ADAM12: variants seen among roughly 807,000 people sequenced by gnomAD.
The protein encoded by ADAM12 is disintegrin and metalloproteinase domain-containing protein 12.
Under a neutral mutation model 106.4 loss-of-function variants are expected in ADAM12, and 70 were observed. The observed-to-expected ratio is 0.66, with a 90% CI of 0.54 to 0.80. The LOEUF (loss-of-function observed/expected upper bound fraction) is 0.80. Among genes scored for constraint, ADAM12 ranks in the 30% least tolerant of loss-of-function variants. ADAM12 has a pLI of 0.00. For synonymous variants in ADAM12, 420 were observed against 433.5 expected (o/e 0.97, Z 0.39); for missense variants, 1,010 against 1,171.9 (o/e 0.86, Z 2.02).
chr10:126,334,349 T>C (rs1207903636), intron 1 of ADAM12, among the ~76,000 whole-genome samples: 1 of 152,170 alleles, frequency 6.6e-6, no homozygotes, highest in African/African-American at 2.4e-5. Context: ...GAAATGTGGA[T>C]AGATTATACT....
At chr10:126,203,063 T>A (rs1016829326) in intron 3 of ADAM12, among the ~76,000 whole-genome samples, 4 of 152,190 alleles carry the variant, frequency 2.6e-5, no homozygotes, top group Non-Finnish European at 4.4e-5. Context: ...GGTGCCCAAC[T>A]AGTTGTCATC....
chr10:126,074,028 G>A (rs1176551056), intron 11 of ADAM12, among the ~76,000 whole-genome samples: 1 of 152,180 alleles, frequency 6.6e-6, no homozygotes, highest in African/African-American at 2.4e-5. Flanking sequence ...AGGTACAGAT[G>A]GAAACTTCTT....
At position 126,335,445 on chromosome 10, in the gene ADAM12, G is replaced by C. The variant is rs140241301; in HGVS notation, c.89-4936C>G. On this transcript the variant is annotated intron_variant, in intron 1 of 22. Transcript: ENST00000448723. The stretch of plus-strand genomic sequence containing the variant: ...CATTTGCCAAGAAGCCAGGGACAAG[G>C]CTTCGGAAACTGATGAAGCAATTTT... 4.0e-3 allele frequency among the ~76,000 whole-genome samples: 608 copies of C among 152,274 alleles called. 8 individuals are homozygous for C. Among genetic ancestry groups the C allele is most frequent in the African/African-American group, 0.014 (585 of 41,554 alleles).
chr10:126,288,691 A>C (rs973175553), intron 2 of ADAM12, among the ~76,000 whole-genome samples: 1 of 149,770 alleles, frequency 6.7e-6, no homozygotes, highest in Non-Finnish European at 1.5e-5. Context: ...TGACGTGGTG[A>C]TCCAGGGACA....
intron 2 of ADAM12, among the ~76,000 whole-genome samples, chr10:126,284,169 C>T (rs1337736068): frequency 6.6e-6 from 1 of 151,822 alleles, no homozygotes; most frequent in African/African-American, 2.4e-5. Context: ...CCCGTCTCTA[C>T]TAAAAATACA....
rs1049931514 is a variant in ADAM12 at position 126,014,615 on chromosome 10, A to C, written c.*2664T>G. On this transcript the variant is annotated 3_prime_UTR_variant, in exon 23 of 23. Transcript: ENST00000448723. ...TCCCTCGGTTGCTACACATCTGATT[A>C]CATGTGTCAGGAAAACAAACTTAAA... is the stretch of plus-strand genomic sequence containing the variant. 53 of 152,246 alleles carry C rather than the reference A, an allele frequency of 3.5e-4. No individual in the cohort carries two copies. The highest frequency in any genetic ancestry group is 1.3e-3 in the African/African-American group (52 of 41,532). 9.4% of individuals were successfully genotyped at this position (152,246 alleles called of 1,614,324 possible). A position where few individuals can be genotyped will look rare whatever the true frequency, so the allele number is the denominator to read the frequency against.
chr10:126,274,822 C>G (rs1286972256), intron 3 of ADAM12, among the ~76,000 whole-genome samples: 1 of 152,206 alleles, frequency 6.6e-6, no homozygotes, highest in Non-Finnish European at 1.5e-5. Context: ...CTAATGCCAT[C>G]TCCACACTGG....
intron 2 of ADAM12, among the ~76,000 whole-genome samples, chr10:126,288,380 A>G (rs1245316400): frequency 6.6e-6 from 1 of 152,216 alleles, no homozygotes; most frequent in Non-Finnish European, 1.5e-5. Flanking sequence ...AGCTCTCCGG[A>G]GAGGATTCCA....
rs1954427507 is a variant in ADAM12 at position 126,049,755 on chromosome 10, G to C, written c.1610-86C>G. On this transcript the variant is annotated intron_variant, in intron 14 of 22. Transcript: ENST00000448723. The surrounding 1 kb of genome is among the most constrained non-coding windows in gnomAD (Gnocchi z 4.4). ...TGTAGGCCTCTCAAATGGTTACGGGGAGACGTGCTCAAAGCAATCACACCC... is the reference window on the plus strand; with the variant it reads ...TGTAGGCCTCTCAAATGGTTACGGGCAGACGTGCTCAAAGCAATCACACCC... 5 of 1,207,828 alleles carry C rather than the reference G, an allele frequency of 4.1e-6. No homozygotes were observed. Among genetic ancestry groups the C allele is most frequent in the South Asian group, 2.7e-5 (2 of 73,332 alleles). The allele number at this position is 1,207,828 out of a possible 1,614,324, so 74.8% of individuals were successfully genotyped here. A position where few individuals can be genotyped will look rare whatever the true frequency, so the allele number is the denominator to read the frequency against.
chr10:126,266,757 G>T (rs527534052), intron 3 of ADAM12, among the ~76,000 whole-genome samples: 4 of 152,158 alleles, frequency 2.6e-5, no homozygotes, highest in African/African-American at 9.7e-5. Context: ...ATGGCAGAGT[G>T]GGAGCAAGCA....
chr10:126,178,397 T>C lies in ADAM12; in HGVS notation c.261-23092A>G, dbSNP rs924593636. On this transcript the variant is annotated intron_variant, in intron 3 of 22. Transcript: ENST00000448723. ...CCTTTTTGGCTTACCTTAGTCCTCATTGGAGGACATCTTTTTTTTTTTTTT... is the reference window on the plus strand; with the variant it reads ...CCTTTTTGGCTTACCTTAGTCCTCACTGGAGGACATCTTTTTTTTTTTTTT... 5.5e-5 allele frequency among the ~76,000 whole-genome samples: 8 copies of C among 146,248 alleles called. 1 individual carries two copies. The highest frequency in any genetic ancestry group is 1.4e-4 in the Admixed American group (2 of 14,452).
intron 3 of ADAM12, among the ~76,000 whole-genome samples, chr10:126,191,151 GCCACCACGC>G (rs1396740645): frequency 1.3e-5 from 2 of 151,792 alleles, no homozygotes; most frequent in African/African-American, 4.8e-5. Context: ...ACAGGCGCCT[GCCACCACGC>G]CCGGCTAATT....
In ADAM12 at chr10:126,159,307, C is replaced by CAAAAAAAAAA. The variant is rs3069557; in HGVS notation, c.261-4012_261-4003dup. ...CCTGGGCAACAGAGCGAGACTCCAT[C>CAAAAAAAAAA]AAAAAAAAAAAAAAAAAAAAAAAAG... On this transcript the variant is annotated intron_variant, in intron 3 of 22. Transcript: ENST00000448723. Among the ~76,000 whole-genome samples, 91 of 80,568 alleles carry CAAAAAAAAAA rather than the reference C, an allele frequency of 1.1e-3. 2 individuals are homozygous for CAAAAAAAAAA. The highest frequency in any genetic ancestry group is 1.4e-3 in the African/African-American group (24 of 17,716). 52.9% of individuals were successfully genotyped at this position (80,568 alleles called of 152,430 possible). A position where few individuals can be genotyped will look rare whatever the true frequency, so the allele number is the denominator to read the frequency against.
intron 8 of ADAM12, among the ~76,000 whole-genome samples, chr10:126,103,295 C>T (rs1183485783): frequency 6.6e-6 from 1 of 152,174 alleles, no homozygotes; most frequent in East Asian, 1.9e-4. Flanking sequence ...GCTAAACTCA[C>T]ATCAAGTCAT....
chr10:126,086,188 C>T (rs1255392698), intron 11 of ADAM12, among the ~76,000 whole-genome samples: 1 of 152,138 alleles, frequency 6.6e-6, no homozygotes, highest in Non-Finnish European at 1.5e-5. Context: ...CTCCCACCTC[C>T]CAGAGGTTGC....
At chr10:126,197,482 G>A (rs535097347) in intron 3 of ADAM12, among the ~76,000 whole-genome samples, 2 of 152,224 alleles carry the variant, frequency 1.3e-5, no homozygotes, top group African/African-American at 4.8e-5. Context: ...TGTGGGAGAG[G>A]ACAGTCGTGT....
At chr10:126,378,401 C>T (rs1428553609) in intron 1 of ADAM12, among the ~76,000 whole-genome samples, 1 of 152,112 alleles carries the variant, frequency 6.6e-6, no homozygotes, top group African/African-American at 2.4e-5. Flanking sequence ...GAGGAGTACA[C>T]AAATTATGAT....
chr10:126,380,608 T>C (rs1020443910), intron 1 of ADAM12, among the ~76,000 whole-genome samples: 1 of 152,216 alleles, frequency 6.6e-6, no homozygotes, highest in Non-Finnish European at 1.5e-5. Context: ...ACAAACTCCT[T>C]TTTAAGTAAC....
chr10:126,180,270 T>A (rs1427873416), intron 3 of ADAM12, among the ~76,000 whole-genome samples: 1 of 152,176 alleles, frequency 6.6e-6, no homozygotes, highest in Non-Finnish European at 1.5e-5. Flanking sequence ...AATCCGAGCT[T>A]TCTGACTGCA....
Sources: gnomAD v4.1 joint callset for allele counts (sites outside exome capture counted in the v4.1 genomes callset) on GRCh38, gnomAD v4.1.1 for gene constraint, Gnocchi (gnomAD v3.1) non-coding constraint, MANE v1.5 for transcripts, NCBI Gene and HGNC (gene_info 2026-07-23, HGNC 2026-07-21) for gene names.